The following CELSR1 variants were observed in gnomAD, a reference collection of about 807,000 sequenced individuals.
CELSR1 encodes adhesion G protein-coupled receptor C1.
CELSR1 carries 110 observed loss-of-function variants against 249.1 expected under a neutral mutation model. The ratio of observed to expected loss-of-function variants is 0.44; its 90% confidence interval spans 0.38 to 0.52. CELSR1 has a LOEUF of 0.52. Ranked by LOEUF, CELSR1 falls within the 20% of genes least tolerant of loss-of-function variation. The pLI is 0.00. For synonymous variants in CELSR1, 2,113 were observed against 1,900.0 expected (o/e 1.11, Z -2.92); for missense variants, 4,109 against 4,296.4 (o/e 0.96, Z 1.22).
At chr22:46,450,576 A>G (rs1051557937) in intron 2 of CELSR1, among the ~76,000 whole-genome samples, 1 of 152,230 alleles carries the variant, frequency 6.6e-6, no homozygotes, top group South Asian at 2.1e-4. Flanking sequence ...ACACAGCTGC[A>G]TGGGTGGGAG....
Position 46,536,549 on chromosome 22 carries a change from G to A in CELSR1, c.622C>T (p.Pro208Ser), listed in dbSNP as rs2080858853. ...GGCGATGGGGATGGCGACGCGGAGG[G>A]CGTCCCCGCGGTGGCGGCCTCCAGC... ...LALEAATAGT[P>S]SASPSPSPPL... The change falls in exon 1 of 35, where the codon CCC becomes TCC. Residue 208 changes from proline (P) to serine (S), a missense_variant. By Grantham distance (74) the Pro-to-Ser change is moderately conservative. Transcript: ENST00000674500. 3.0e-6 allele frequency: 4 copies of A among 1,352,404 alleles called. No individual in the cohort carries two copies. The highest frequency in any genetic ancestry group is 3.8e-6 in the Non-Finnish European group (4 of 1,059,398). The allele number at this position is 1,352,404 out of a possible 1,614,324, so 83.8% of individuals were successfully genotyped here. A position where few individuals can be genotyped will look rare whatever the true frequency, so the allele number is the denominator to read the frequency against.
At chr22:46,422,516 C>T (rs550331559) in intron 5 of CELSR1, among the ~76,000 whole-genome samples, 4 of 151,496 alleles carry the variant, frequency 2.6e-5, no homozygotes, top group East Asian at 2.0e-4. Flanking sequence ...GGGCGGATCA[C>T]GAGGTCAGGT....
intron 5 of CELSR1, among the ~76,000 whole-genome samples, chr22:46,414,632 T>C (rs1224343149): frequency 1.4e-5 from 2 of 147,820 alleles, no homozygotes; most frequent in Non-Finnish European, 3.0e-5. Context: ...ACGCGCAGGC[T>C]AACCGTCCAC....
chr22:46,367,569 G>A lies in CELSR1; in HGVS notation c.8079+160C>T, dbSNP rs182840826. Reference sequence around the variant, plus strand: ...GGGAGGAGGCACCAGCCCCCGTGCCGGCTGCACAAGGGACTGAGTCCTCAC... The same window carrying A: ...GGGAGGAGGCACCAGCCCCCGTGCCAGCTGCACAAGGGACTGAGTCCTCAC... On this transcript the variant is annotated intron_variant, in intron 28 of 34. Transcript: ENST00000674500. 1.6e-3 allele frequency among the ~76,000 whole-genome samples: 245 copies of A among 152,304 alleles called. 1 individual carries two copies. The highest frequency in any genetic ancestry group is 0.014 in the South Asian group (67 of 4,822).
In CELSR1 at chr22:46,436,298, C is replaced by T. The variant is rs1358854506; in HGVS notation, c.4407-9G>A. ...TTTCCTGAGTGGCAAACCTGTGGGG[C>T]CAAGCAGAGGCACATCACAGGATGA... On this transcript the variant is annotated splice_polypyrimidine_tract_variant and intron_variant, in intron 3 of 34. Transcript: ENST00000674500. This position sits in a 1 kb window ranked among gnomAD's most constrained non-coding sequence, Gnocchi z 5.9. 1 of 1,608,492 alleles carries T rather than the reference C, an allele frequency of 6.2e-7. No homozygotes were observed. The highest frequency in any genetic ancestry group is 1.7e-4 in the Middle Eastern group (1 of 6,052).
chr22:46,489,648 C>T (rs1256636432), intron 1 of CELSR1, among the ~76,000 whole-genome samples: 1 of 152,156 alleles, frequency 6.6e-6, no homozygotes, highest in Non-Finnish European at 1.5e-5. Flanking sequence ...CACGGTGGCT[C>T]ATACCTGTAA....
At position 46,433,496 on chromosome 22, in the gene CELSR1, G is replaced by A. The variant is rs1314211494; in HGVS notation, c.4523-15C>T. ...TGTTGTCTCGCCTGCATGGTGGGAG[G>A]GAGACCCAGAGAGAAAACAGGGGTT... is the stretch of plus-strand genomic sequence containing the variant. On this transcript the variant is annotated splice_polypyrimidine_tract_variant and intron_variant, in intron 4 of 34. Coordinates refer to ENST00000674500, the MANE Select transcript of CELSR1 (RefSeq NM_001378328.1). The surrounding 1 kb of genome is among the most constrained non-coding windows in gnomAD (Gnocchi z 5.7). The A allele has an allele frequency of 6.2e-7, 1 of 1,610,022 alleles. No individual in the cohort carries two copies. Among genetic ancestry groups the A allele is most frequent in the Non-Finnish European group, 8.5e-7 (1 of 1,177,030 alleles).
At chr22:46,501,408 G>A (rs2080465469) in intron 1 of CELSR1, among the ~76,000 whole-genome samples, 1 of 152,044 alleles carries the variant, frequency 6.6e-6, no homozygotes, top group South Asian at 2.1e-4. Context: ...GTTTCACCAT[G>A]TTGGCCAGGC....
At chr22:46,453,932 A>C (rs1310330437) in intron 2 of CELSR1, among the ~76,000 whole-genome samples, 1 of 152,192 alleles carries the variant, frequency 6.6e-6, no homozygotes. Flanking sequence ...TAGCAAAATA[A>C]TGGACCCCAA....
At position 46,471,012 on chromosome 22, in the gene CELSR1, C is replaced by G. The variant is rs2080150323; in HGVS notation, c.3545-6667G>C. Among the ~76,000 whole-genome samples, 1 of 152,044 alleles carries G rather than the reference C, an allele frequency of 6.6e-6. No individual in the cohort carries two copies. Among genetic ancestry groups the G allele is most frequent in the Non-Finnish European group, 1.5e-5 (1 of 68,006 alleles). ...TTGTGGTGCACATCTGTAATCCTAG[C>G]TACTTGGGAGACTGAGGCAGGAGAA... On this transcript the variant is annotated intron_variant, in intron 1 of 34. Transcript: ENST00000674500. This position sits in a 1 kb window ranked among gnomAD's most constrained non-coding sequence, Gnocchi z 4.9.
Position 46,506,603 on chromosome 22 carries a change from T to G in CELSR1, c.3544+27024A>C, listed in dbSNP as rs938475117. ...AATTCTCACCCATTTCCAAGACCAC[T>G]TCCTTAGGGTGATGTTTCTAGGACT... On this transcript the variant is annotated intron_variant, in intron 1 of 34. Coordinates refer to ENST00000674500, the MANE Select transcript of CELSR1 (RefSeq NM_001378328.1). This position sits in a 1 kb window ranked among gnomAD's most constrained non-coding sequence, Gnocchi z 4.1. Among the ~76,000 whole-genome samples, 3 of 152,164 alleles carry G rather than the reference T, an allele frequency of 2.0e-5. No homozygotes were observed. Among genetic ancestry groups the G allele is most frequent in the African/African-American group, 7.2e-5 (3 of 41,454 alleles).
chr22:46,481,983 G>A (rs1212232995), intron 1 of CELSR1, among the ~76,000 whole-genome samples: 1 of 152,120 alleles, frequency 6.6e-6, no homozygotes, highest in Admixed American at 6.6e-5. Context: ...ATGTTGGACA[G>A]GCTGGTCTCG....
chr22:46,489,191 T>A (rs1332081018), intron 1 of CELSR1, among the ~76,000 whole-genome samples: 1 of 151,964 alleles, frequency 6.6e-6, no homozygotes, highest in Non-Finnish European at 1.5e-5. Flanking sequence ...CTTGTAATGA[T>A]AAGCCAACAA....
intron 5 of CELSR1, among the ~76,000 whole-genome samples, chr22:46,420,006 T>C (rs2079447693): frequency 6.7e-6 from 1 of 149,140 alleles, no homozygotes; most frequent in African/African-American, 2.5e-5. Context: ...ATCATGTGCA[T>C]ACTCAAAACC....
In CELSR1 at chr22:46,429,281, G is replaced by A. The variant is rs118135756; in HGVS notation, c.4611+4112C>T. Among the ~76,000 whole-genome samples, 163 of 152,280 alleles carry A rather than the reference G, an allele frequency of 1.1e-3. 2 individuals are homozygous for A. The East Asian group carries it at 0.014, about 13-fold the overall frequency. ...TTCTCAAGTGGGGAGAACGTTTTCCGTCAGGCATGTCCACCCTTTTGAAGT... is the reference window on the plus strand; with the variant it reads ...TTCTCAAGTGGGGAGAACGTTTTCCATCAGGCATGTCCACCCTTTTGAAGT... On this transcript the variant is annotated intron_variant, in intron 5 of 34. Coordinates refer to ENST00000674500, the MANE Select transcript of CELSR1 (RefSeq NM_001378328.1). This position sits in a 1 kb window ranked among gnomAD's most constrained non-coding sequence, Gnocchi z 4.1.
At chr22:46,372,846 CTG>C (rs1459414651) in intron 25 of CELSR1, 35 bp downstream of exon 25, 3 of 1,564,958 alleles carry the variant, frequency 1.9e-6, no homozygotes, top group Non-Finnish European at 2.6e-6. Context: ...TGTTGGAAAT[CTG>C]TGGTTTTATG....
At chr22:46,458,159 T>C (rs1021905534) in intron 2 of CELSR1, among the ~76,000 whole-genome samples, 3 of 151,636 alleles carry the variant, frequency 2.0e-5, no homozygotes, top group Non-Finnish European at 4.4e-5. Flanking sequence ...TGGGGGAAGG[T>C]GCGCTGGAGG....
chr22:46,509,721 G>A (rs1156896832), intron 1 of CELSR1, among the ~76,000 whole-genome samples: 3 of 152,154 alleles, frequency 2.0e-5, no homozygotes, highest in Non-Finnish European at 4.4e-5. Context: ...CGGGGTCTGT[G>A]GGGCTCCTGA....
At position 46,363,954 on chromosome 22, in the gene CELSR1, G is replaced by A; in HGVS notation, c.9035+42C>T. On this transcript the variant is annotated intron_variant, in intron 34 of 34. Coordinates refer to ENST00000674500, the MANE Select transcript of CELSR1 (RefSeq NM_001378328.1). The surrounding 1 kb of genome is among the most constrained non-coding windows in gnomAD (Gnocchi z 4.3). ...CTCTCTCTCCTGACTCAGGACAAGG[G>A]GGAAGTGGGTGATCCCCGCCCTGGA... 6.5e-7 allele frequency: 1 copy of A among 1,534,386 alleles called. No homozygotes were observed. The highest frequency in any genetic ancestry group is 2.4e-5 in the East Asian group (1 of 41,750).
Sources: gnomAD v4.1 joint callset for allele counts (sites outside exome capture counted in the v4.1 genomes callset) on GRCh38, gnomAD v4.1.1 for gene constraint, Gnocchi (gnomAD v3.1) non-coding constraint, MANE v1.5 for transcripts, NCBI Gene and HGNC (gene_info 2026-07-23, HGNC 2026-07-21) for gene names.